The following OPCML variants were observed in gnomAD, a reference collection of about 807,000 sequenced individuals.
The protein encoded by OPCML is opioid binding protein/cell adhesion molecule like.
Under a neutral mutation model 37.8 loss-of-function variants are expected in OPCML, and 13 were observed. The observed-to-expected ratio is 0.34, with a 90% confidence interval of 0.22 to 0.55. The LOEUF (loss-of-function observed/expected upper bound fraction) is 0.55. Ranked by LOEUF, OPCML falls within the 20% of genes least tolerant of loss-of-function variation. The pLI is 0.91. For synonymous variants in OPCML, 176 were observed against 168.8 expected (o/e 1.04, Z -0.33); for missense variants, 341 against 435.6 (o/e 0.78, Z 1.93).
intron 1 of OPCML, among the ~76,000 whole-genome samples, chr11:133,218,045 C>CAA (rs112195465): frequency 0.32 from 46,370 of 144,412 alleles, 7,861 homozygotes; most frequent in African/African-American, 0.41. Context: ...TACCCTGTCT[C>CAA]AAAAAAAAAA....
At chr11:133,275,570 A>G (rs1389260296) in intron 1 of OPCML, among the ~76,000 whole-genome samples, 1 of 152,192 alleles carries the variant, frequency 6.6e-6, no homozygotes, top group Non-Finnish European at 1.5e-5. Flanking sequence ...GAATGTTAAC[A>G]CTGTCCATCT....
At chr11:132,845,791 T>C (rs1941503233) in intron 2 of OPCML, among the ~76,000 whole-genome samples, 1 of 152,192 alleles carries the variant, frequency 6.6e-6, no homozygotes, top group South Asian at 2.1e-4. Context: ...CTCTTCTCTG[T>C]TCCTCCCCTC....
At chr11:132,819,208 A>G (rs1437445580) in intron 2 of OPCML, among the ~76,000 whole-genome samples, 1 of 152,032 alleles carries the variant, frequency 6.6e-6, no homozygotes, top group East Asian at 1.9e-4. Context: ...TTTATATGCA[A>G]TGTCTGGTAT....
intron 2 of OPCML, among the ~76,000 whole-genome samples, chr11:132,882,725 G>C (rs555925823): frequency 9.2e-5 from 14 of 152,320 alleles, no homozygotes; most frequent in African/African-American, 3.1e-4. Context: ...TAACATAAGA[G>C]AGGTGTGTGA....
chr11:132,877,287 AC>A (rs996008339), intron 2 of OPCML, among the ~76,000 whole-genome samples: 2 of 151,804 alleles, frequency 1.3e-5, no homozygotes, highest in Non-Finnish European at 2.9e-5. Context: ...ACTAAGCTGC[AC>A]CCCCCCACCC....
chr11:133,436,979 G>T (rs183624622), intron 1 of OPCML, among the ~76,000 whole-genome samples: 33 of 152,172 alleles, frequency 2.2e-4, no homozygotes, highest in Admixed American at 3.3e-4. Context: ...CAGTTTCCAG[G>T]GTAGCACATC....
chr11:132,745,377 G>A (rs1425439371), intron 2 of OPCML, among the ~76,000 whole-genome samples: 1 of 152,104 alleles, frequency 6.6e-6, no homozygotes, highest in Non-Finnish European at 1.5e-5. Context: ...CAAGGTACTT[G>A]AGGCTCTATC....
chr11:133,226,276 AT>A (rs1196566503), intron 1 of OPCML, among the ~76,000 whole-genome samples: 1 of 152,198 alleles, frequency 6.6e-6, no homozygotes, highest in Non-Finnish European at 1.5e-5. Context: ...GGTTAACCTC[AT>A]TTTTGGCTCT....
At chr11:133,022,173 T>C (rs1947467815) in intron 1 of OPCML, among the ~76,000 whole-genome samples, 1 of 152,154 alleles carries the variant, frequency 6.6e-6, no homozygotes, top group Non-Finnish European at 1.5e-5. Flanking sequence ...GACACATTTT[T>C]CTGGAGATAG....
At chr11:133,224,383 C>A (rs1002695135) in intron 1 of OPCML, among the ~76,000 whole-genome samples, 1 of 152,200 alleles carries the variant, frequency 6.6e-6, no homozygotes, top group Non-Finnish European at 1.5e-5. Context: ...ACTGCAGCTC[C>A]GTGCCCGAAA....
At chr11:132,660,964 G>A (rs927915234) in intron 2 of OPCML, among the ~76,000 whole-genome samples, 3 of 152,294 alleles carry the variant, frequency 2.0e-5, no homozygotes, top group Middle Eastern at 3.4e-3. Context: ...TGCATTTCCT[G>A]AATCCTATCG....
rs535846934 is a variant in OPCML at position 133,291,970 on chromosome 11, G to C, written c.61+240294C>G. 6.6e-5 allele frequency among the ~76,000 whole-genome samples: 10 copies of C among 152,348 alleles called. No homozygotes were observed. The South Asian group carries it at 2.1e-3, about 32-fold the overall frequency. ...GAAGGCACAGTGGTAGATTACACAAGAGAATGGCCTTACAGTTTTATAAAC... is the reference window on the plus strand; with the variant it reads ...GAAGGCACAGTGGTAGATTACACAACAGAATGGCCTTACAGTTTTATAAAC... On this transcript the variant is annotated intron_variant, in intron 1 of 7. Coordinates refer to ENST00000524381, the MANE Select transcript of OPCML (RefSeq NM_001012393.5).
At chr11:132,737,865 A>T (rs1025353348) in intron 2 of OPCML, among the ~76,000 whole-genome samples, 1 of 152,232 alleles carries the variant, frequency 6.6e-6, no homozygotes, top group Admixed American at 6.5e-5. Context: ...GGGCAACCAG[A>T]GATCAAAAGT....
chr11:133,425,590 C>T (rs1945985535), intron 1 of OPCML, among the ~76,000 whole-genome samples: 1 of 152,164 alleles, frequency 6.6e-6, no homozygotes, highest in African/African-American at 2.4e-5. Context: ...AACTTCTATC[C>T]TTACAACACC....
At chr11:133,178,637 A>G (rs1236727093) in intron 1 of OPCML, among the ~76,000 whole-genome samples, 1 of 152,136 alleles carries the variant, frequency 6.6e-6, no homozygotes, top group Non-Finnish European at 1.5e-5. Context: ...CAGTTTCACA[A>G]CCAGGACAGT....
chr11:133,366,262 C>T (rs1035995612), intron 1 of OPCML, among the ~76,000 whole-genome samples: 7 of 152,170 alleles, frequency 4.6e-5, no homozygotes, highest in African/African-American at 1.7e-4. Flanking sequence ...CTGATGATCC[C>T]GTGAGCCCCG....
chr11:132,981,322 T>A (rs1398112914), intron 1 of OPCML, among the ~76,000 whole-genome samples: 1 of 151,962 alleles, frequency 6.6e-6, no homozygotes, highest in Non-Finnish European at 1.5e-5. Context: ...GGCCACGTGG[T>A]GGTTAGAGCA....
At chr11:133,328,469 T>C (rs1018453858) in intron 1 of OPCML, among the ~76,000 whole-genome samples, 4 of 152,148 alleles carry the variant, frequency 2.6e-5, no homozygotes, top group Admixed American at 6.6e-5. Flanking sequence ...TAAAGATTAA[T>C]TGATATAATC....
intron 1 of OPCML, among the ~76,000 whole-genome samples, chr11:132,979,487 C>A (rs1438966533): frequency 6.6e-6 from 1 of 152,230 alleles, no homozygotes; most frequent in South Asian, 2.1e-4. Flanking sequence ...TCCAAACATC[C>A]ACAGGATGGC....
Sources: allele counts gnomAD v4.1 joint callset (sites outside exome capture counted in the v4.1 genomes callset), GRCh38; gene constraint gnomAD v4.1.1; transcripts MANE v1.5; gene names NCBI Gene and HGNC (gene_info 2026-07-23, HGNC 2026-07-21).